Variants in RARB observed in about 807,000 individuals in gnomAD.
RARB encodes HBV-activated protein.
RARB carries 17 observed loss-of-function variants against 51.9 expected under a neutral mutation model. The ratio of observed to expected loss-of-function variants is 0.33; its 90% CI spans 0.22 to 0.49. The LOEUF (loss-of-function observed/expected upper bound fraction) is 0.49. Among genes scored for constraint, RARB ranks in the 20% least tolerant of loss-of-function variants. The pLI, the probability that RARB is intolerant of heterozygous loss-of-function variation, is 0.99. For missense variants in RARB, 369 were observed against 550.8 expected, an observed-to-expected ratio of 0.67 and a Z score of 3.30; for synonymous variants, 215 against 195.4, an observed-to-expected ratio of 1.10 and a Z score of -0.84.
chr3:24,890,312 A>G (rs1703353432), intron 2 of RARB, among the ~76,000 whole-genome samples: 2 of 152,194 alleles, frequency 1.3e-5, no homozygotes, highest in Admixed American at 1.3e-4. Context: ...GTCCCTGGCC[A>G]TGGAAGGTGT....
chr3:25,142,518 A>C (rs1192260946), intron 4 of RARB, among the ~76,000 whole-genome samples: 1 of 152,080 alleles, frequency 6.6e-6, no homozygotes, highest in Non-Finnish European at 1.5e-5. Flanking sequence ...ACTTTGAGGC[A>C]AAGATATAAT....
chr3:25,052,014 G>C (rs766146540), intron 2 of RARB, among the ~76,000 whole-genome samples: 6 of 152,062 alleles, frequency 3.9e-5, no homozygotes, highest in Non-Finnish European at 7.4e-5. Context: ...TGTTGATTGT[G>C]GATACTCAGG....
chr3:25,273,315 G>A (rs1703297202), intron 5 of RARB, among the ~76,000 whole-genome samples: 1 of 152,160 alleles, frequency 6.6e-6, no homozygotes, highest in Non-Finnish European at 1.5e-5. Context: ...CTTTTGAGCT[G>A]CTCACTTAAT....
chr3:24,871,880 AT>A (rs1702955333), intron 2 of RARB, among the ~76,000 whole-genome samples: 1 of 152,052 alleles, frequency 6.6e-6, no homozygotes, highest in African/African-American at 2.4e-5. Context: ...CATTCAGGAA[AT>A]CCTATTAGCT....
intron 5 of RARB, among the ~76,000 whole-genome samples, chr3:25,281,732 A>G (rs890586372): frequency 1.3e-5 from 2 of 152,166 alleles, no homozygotes; most frequent in Non-Finnish European, 2.9e-5. Flanking sequence ...CTGGGAGTTG[A>G]TGTGGCTATT....
At chr3:25,028,451 A>G (rs1279714710) in intron 2 of RARB, among the ~76,000 whole-genome samples, 1 of 152,190 alleles carries the variant, frequency 6.6e-6, no homozygotes, top group Non-Finnish European at 1.5e-5. Flanking sequence ...CTGGGACTCC[A>G]CTGGAGGTGG....
At chr3:25,003,845 C>G (rs911974120) in intron 2 of RARB, among the ~76,000 whole-genome samples, 1 of 152,020 alleles carries the variant, frequency 6.6e-6, no homozygotes, top group Non-Finnish European at 1.5e-5. Context: ...CTGATGGGAT[C>G]TTTATTACTG....
At chr3:25,408,728 G>A (rs1707481758) in intron 5 of RARB, among the ~76,000 whole-genome samples, 1 of 152,054 alleles carries the variant, frequency 6.6e-6, no homozygotes, top group Admixed American at 6.6e-5. Context: ...ATGCCACCAT[G>A]GCACTTAAAA....
At chr3:24,970,876 A>G (rs528511723) in intron 2 of RARB, among the ~76,000 whole-genome samples, 2 of 152,122 alleles carry the variant, frequency 1.3e-5, no homozygotes, top group East Asian at 3.9e-4. Context: ...GTGGACATTC[A>G]TGTCAATTGA....
rs113972632 is a variant in RARB at position 25,256,741 on chromosome 3, C to T, written c.178+82166C>T. On this transcript the variant is annotated intron_variant, in intron 5 of 11. Coordinates refer to the RARB transcript ENST00000383772. ...GAAAAGATAAAGGAAACTCAAGAAA[C>T]CAATTTGGCTACATATAGAGTTCTT... 2.8e-3 allele frequency among the ~76,000 whole-genome samples: 424 copies of T among 151,960 alleles called. 2 individuals carry two copies. Among genetic ancestry groups the T allele is most frequent in the African/African-American group, 9.9e-3 (409 of 41,458 alleles).
chr3:25,337,926 T>G (rs1705111739), intron 5 of RARB, among the ~76,000 whole-genome samples: 1 of 152,154 alleles, frequency 6.6e-6, no homozygotes, highest in Non-Finnish European at 1.5e-5. Flanking sequence ...TTAGTTGAAC[T>G]AAGTTTACCT....
intron 2 of RARB, among the ~76,000 whole-genome samples, chr3:24,860,420 T>G (rs563164080): frequency 1.3e-5 from 2 of 152,214 alleles, no homozygotes; most frequent in Non-Finnish European, 2.9e-5. Flanking sequence ...GCAGGTCATT[T>G]GGCAGAAGGT....
intron 5 of RARB, among the ~76,000 whole-genome samples, chr3:25,208,959 A>G (rs1283268247): frequency 1.3e-5 from 2 of 152,226 alleles, no homozygotes; most frequent in African/African-American, 4.8e-5. Context: ...TAAGCAGCAG[A>G]CTACCCTGGG....
At chr3:24,984,988 G>A (rs1285516585) in intron 2 of RARB, among the ~76,000 whole-genome samples, 1 of 152,190 alleles carries the variant, frequency 6.6e-6, no homozygotes, top group Non-Finnish European at 1.5e-5. Flanking sequence ...CGACTGGAAA[G>A]TGGGAATTTT....
At chr3:25,288,717 G>C (rs1326645238) in intron 5 of RARB, among the ~76,000 whole-genome samples, 1 of 152,052 alleles carries the variant, frequency 6.6e-6, no homozygotes. Flanking sequence ...AACTGTCTCA[G>C]AGCTGTCACC....
At chr3:25,118,096 C>A (rs569407305) in intron 3 of RARB, among the ~76,000 whole-genome samples, 1 of 152,246 alleles carries the variant, frequency 6.6e-6, no homozygotes, top group African/African-American at 2.4e-5. Flanking sequence ...TGGAGAGGCT[C>A]CATCCTGCCT....
Position 25,597,626 on chromosome 3 carries a change from T to A in RARB, c.*1010T>A, listed in dbSNP as rs1187892317. On this transcript the variant is annotated 3_prime_UTR_variant, in exon 8 of 8. Transcript: ENST00000330688. The stretch of plus-strand genomic sequence containing the variant: ...TCCAGCCTTCTTGATGCCAAGGGGC[T>A]AATTAATATTAACAACTCCCAAAGA... 1.4e-5 allele frequency: 2 copies of A among 146,780 alleles called. No individual in the cohort carries two copies. The highest frequency in any genetic ancestry group is 3.1e-5 in the Non-Finnish European group (2 of 64,726). 9.1% of individuals were successfully genotyped at this position (146,780 alleles called of 1,614,324 possible). A position where few individuals can be genotyped will look rare whatever the true frequency, so the allele number is the denominator to read the frequency against.
At chr3:25,509,385 CGCTGTTGCT>C (rs1697774837) in intron 3 of RARB, among the ~76,000 whole-genome samples, 1 of 152,158 alleles carries the variant, frequency 6.6e-6, no homozygotes, top group Non-Finnish European at 1.5e-5. Context: ...GTTTGGTTGC[CGCTGTTGCT>C]GCTGCCACAG....
At chr3:25,146,115 C>G (rs554381350) in intron 4 of RARB, among the ~76,000 whole-genome samples, 1 of 152,142 alleles carries the variant, frequency 6.6e-6, no homozygotes, top group Non-Finnish European at 1.5e-5. Flanking sequence ...AGCTCTGTGA[C>G]CTTAGATGAG....
Sources: allele counts gnomAD v4.1 joint callset (sites outside exome capture counted in the v4.1 genomes callset), GRCh38; gene constraint gnomAD v4.1.1; transcripts MANE v1.5; gene names NCBI Gene and HGNC (gene_info 2026-07-23, HGNC 2026-07-21).